Variants in FGFRL1 observed in about 807,000 individuals in gnomAD.
FGFRL1 encodes the protein fibroblast growth factor receptor-like 1.
A neutral mutation model predicts 36.8 loss-of-function variants in FGFRL1; 24 were observed. The ratio of observed to expected loss-of-function variants is 0.65; its 90% CI spans 0.47 to 0.92. The LOEUF (loss-of-function observed/expected upper bound fraction) is 0.92. Among genes scored for constraint, FGFRL1 ranks in the 40% least tolerant of loss-of-function variants. FGFRL1 has a pLI of 0.00. For synonymous variants in FGFRL1, 422 were observed against 344.1 expected (o/e 1.23, Z -2.50); for missense variants, 785 against 753.4 (o/e 1.04, Z -0.49).
intron 6 of FGFRL1, 40 bp downstream of exon 6, chr4:1,024,704 C>T (rs190575367): frequency 0.015 from 23,418 of 1,544,814 alleles, 241 homozygotes; most frequent in Non-Finnish European, 0.017. Flanking sequence ...TGCTGGTGCC[C>T]GGACCCGCCC....
At chr4:1,022,735 G>A (rs897248705) in intron 3 of FGFRL1, among the ~76,000 whole-genome samples, 6 of 152,342 alleles carry the variant, frequency 3.9e-5, no homozygotes, top group African/African-American at 7.2e-5. Context: ...GGCGGGAGCC[G>A]AAGGCAGTGG....
At position 1,024,252 on chromosome 4, in the gene FGFRL1, C is replaced by T. The variant is rs1716371330; in HGVS notation, c.719-59C>T. On this transcript the variant is annotated intron_variant, in intron 5 of 6. Transcript: ENST00000510644. ...TGGGGGTGCTGGTGGGCCCAGGGTG[C>T]TGGCGGGGTAGAGTCCGGCGCGGCC... The T allele has an allele frequency of 4.0e-6, 6 of 1,518,132 alleles. No homozygotes were observed. In the East Asian group the frequency reaches 1.2e-4, roughly 29 times the overall value. The allele number at this position is 1,518,132 out of a possible 1,614,324, so 94.0% of individuals were successfully genotyped here. A position where few individuals can be genotyped will look rare whatever the true frequency, so the allele number is the denominator to read the frequency against.
In FGFRL1 at chr4:1,023,511, G is replaced by A. The variant is rs112896516; in HGVS notation, c.353-130G>A. Reference sequence around the variant, plus strand: ...GGATTCTGGGCTGTGGGTGTGTGGCGCAGCCCCCTGCCTGGGTGTCCAGGG... The same window carrying A: ...GGATTCTGGGCTGTGGGTGTGTGGCACAGCCCCCTGCCTGGGTGTCCAGGG... On this transcript the variant is annotated intron_variant, in intron 3 of 6. Transcript: ENST00000510644. The surrounding 1 kb of genome is among the most constrained non-coding windows in gnomAD (Gnocchi z 6.0). The A allele has an allele frequency of 9.4e-5, 78 of 829,434 alleles. No homozygotes were observed. The African/African-American group carries it at 1.1e-3, about 11-fold the overall frequency. 51.4% of individuals were successfully genotyped at this position (829,434 alleles called of 1,614,324 possible).
At chr4:1,021,324 G>A (rs968284433) in intron 2 of FGFRL1, among the ~76,000 whole-genome samples, 3 of 152,066 alleles carry the variant, frequency 2.0e-5, no homozygotes, top group Non-Finnish European at 2.9e-5. Flanking sequence ...GCCATGTGGA[G>A]CCGCAGCCTT....
intron 2 of FGFRL1, among the ~76,000 whole-genome samples, chr4:1,016,907 T>G: frequency 6.6e-6 from 1 of 152,064 alleles, no homozygotes; most frequent in East Asian, 1.9e-4. Flanking sequence ...ACTCTGGGGT[T>G]TCCCACTCAC....
At chr4:1,022,076 T>G in intron 2 of FGFRL1, 127 bp from the exon 3 acceptor site, 2 of 695,736 alleles carry the variant, frequency 2.9e-6, no homozygotes, top group Admixed American at 6.8e-5. Context: ...CTGCTCATCT[T>G]GGGCAGGTGA....
intron 5 of FGFRL1, 92 bp downstream of exon 5, chr4:1,024,193 G>A: frequency 8.1e-7 from 1 of 1,231,288 alleles, no homozygotes; most frequent in East Asian, 3.1e-5. Flanking sequence ...GCGCTGGTGG[G>A]CGGGGGCACT....
intron 3 of FGFRL1, 109 bp downstream of exon 3, chr4:1,022,584 G>A: frequency 7.2e-7 from 1 of 1,386,494 alleles, no homozygotes; most frequent in East Asian, 2.5e-5. Context: ...CCAGCCCCCG[G>A]CAGAAAGCCT....
intron 1 of FGFRL1, 46 bp from the exon 2 acceptor site, chr4:1,012,424 A>G (rs1048913435): frequency 3.3e-5 from 51 of 1,566,790 alleles, no homozygotes; most frequent in Non-Finnish European, 4.0e-5. Context: ...GGAGGGCGGT[A>G]TCTCCCAGTT....
chr4:1,013,538 AC>A (rs1430666067), intron 2 of FGFRL1, among the ~76,000 whole-genome samples: 2 of 65,696 alleles, frequency 3.0e-5, no homozygotes, highest in African/African-American at 1.5e-4. Context: ...ACCCCCCCCT[AC>A]CCCCCGCCTG....
At chr4:1,012,347 G>A in intron 1 of FGFRL1, 123 bp from the exon 2 acceptor site, 4 of 1,130,002 alleles carry the variant, frequency 3.5e-6, no homozygotes, top group Middle Eastern at 2.1e-4. Flanking sequence ...TCCTCCGCCT[G>A]GAGCGCGGGC....
chr4:1,025,242 G>C lies in FGFRL1; in HGVS notation c.1410G>C (p.Leu470Phe), dbSNP rs1175860807. The change falls in exon 7 of 7, where the codon TTG (leucine) becomes TTC (phenylalanine). Residue 470 changes from leucine (L) to phenylalanine (F), a missense_variant. Leu to Phe is a conservative substitution (Grantham distance 22, BLOSUM62 0). Transcript: ENST00000510644. Reference sequence around the variant, plus strand: ...CAGGCCCAGTTGCTGGCCCTAAGTTGTACCCCAAACTCTACACAGACATCC... The same window carrying C: ...CAGGCCCAGTTGCTGGCCCTAAGTTCTACCCCAAACTCTACACAGACATCC... ...LGPGPVAGPK[L>F]YPKLYTDIHT... 6.2e-7 allele frequency: 1 copy of C among 1,608,594 alleles called. No individual in the cohort carries two copies.
At chr4:1,017,354 G>A (rs931678993) in intron 2 of FGFRL1, among the ~76,000 whole-genome samples, 9 of 152,162 alleles carry the variant, frequency 5.9e-5, no homozygotes, top group Non-Finnish European at 1.3e-4. Context: ...TTGGGGTTGA[G>A]GGGGCCACAC....
chr4:1,023,864 G>C lies in FGFRL1; in HGVS notation c.481G>C (p.Ala161Pro). ...CTCCAAGATGAGGCGCCGGGTGATC[G>C]CACGGCCCGTGGGTAGCTCCGTGCG... ...QPSKMRRRVI[A>P]RPVGSSVRLK... The change falls in exon 5 of 7, where the codon GCA becomes CCA. Residue 161 changes from alanine to proline, a missense_variant. Physicochemically the swap from Ala to Pro is conservative, Grantham distance 27. Coordinates refer to ENST00000510644, the MANE Select transcript of FGFRL1 (RefSeq NM_001004356.3). The surrounding 1 kb of genome is among the most constrained non-coding windows in gnomAD (Gnocchi z 6.0). 1 of 1,575,988 alleles carries C rather than the reference G, an allele frequency of 6.3e-7. No homozygotes were observed. Among genetic ancestry groups the C allele is most frequent in the Non-Finnish European group, 8.6e-7 (1 of 1,163,302 alleles).
rs747940022 is a variant in FGFRL1 at position 1,024,424 on chromosome 4, A to C, written c.832A>C (p.Ile278Leu). 6.2e-7 allele frequency: 1 copy of C among 1,612,600 alleles called. No homozygotes were observed. Among genetic ancestry groups the C allele is most frequent in the East Asian group, 2.2e-5 (1 of 44,870 alleles). ...CKVRSDVKPV[I>L]QWLKRVEYGA... The stretch of plus-strand genomic sequence containing the variant: ...GGTGCGCAGCGACGTGAAGCCGGTG[A>C]TCCAGTGGCTGAAGCGCGTGGAGTA... Residue 278 changes from isoleucine to leucine, a missense_variant, in exon 6 of 7, where the codon ATC becomes CTC. Coordinates refer to ENST00000510644, the MANE Select transcript of FGFRL1 (RefSeq NM_001004356.3).
intron 2 of FGFRL1, among the ~76,000 whole-genome samples, chr4:1,015,504 GC>G (rs1293718007): frequency 1.3e-5 from 2 of 152,202 alleles, no homozygotes; most frequent in East Asian, 3.9e-4. Context: ...GGCTTCACGG[GC>G]CAAGGCATAC....
intron 2 of FGFRL1, among the ~76,000 whole-genome samples, chr4:1,014,087 G>C (rs1038450928): frequency 6.6e-6 from 1 of 152,220 alleles, no homozygotes; most frequent in South Asian, 2.1e-4. Context: ...CTCCTGCTCT[G>C]AACAGCCCAC....
chr4:1,015,248 A>G (rs1247607345), intron 2 of FGFRL1, among the ~76,000 whole-genome samples: 3 of 152,184 alleles, frequency 2.0e-5, no homozygotes, highest in Non-Finnish European at 4.4e-5. Flanking sequence ...TGGTGTGTCC[A>G]GGTGACAGCC....
At chr4:1,019,924 AC>A (rs1283915790) in intron 2 of FGFRL1, among the ~76,000 whole-genome samples, 2 of 152,186 alleles carry the variant, frequency 1.3e-5, no homozygotes, top group South Asian at 2.1e-4. Flanking sequence ...GTTTCTGGGC[AC>A]AGCAGGGAGG....
Sources: allele counts gnomAD v4.1 joint callset (sites outside exome capture counted in the v4.1 genomes callset), GRCh38; gene constraint gnomAD v4.1.1; non-coding constraint Gnocchi (gnomAD v3.1); transcripts MANE v1.5; gene names NCBI Gene and HGNC (gene_info 2026-07-23, HGNC 2026-07-21).